ABCB11: variants seen among roughly 807,000 people sequenced by gnomAD.
ABCB11 encodes bile salt export pump.
A neutral mutation model predicts 148.0 loss-of-function variants in ABCB11; 95 were observed. That is an observed-to-expected ratio of 0.64 (90% CI 0.54 to 0.76). The LOEUF (loss-of-function observed/expected upper bound fraction) is 0.76, where lower values mean the gene tolerates loss of function less well. Among genes scored for constraint, ABCB11 ranks in the 30% least tolerant of loss-of-function variants. ABCB11 has a pLI of 0.00. For synonymous variants in ABCB11, 591 were observed against 555.4 expected (o/e 1.06, Z -0.90); for missense variants, 1,523 against 1,617.8 (o/e 0.94, Z 1.01).
At chr2:169,020,863 T>C (rs1695514212) in intron 1 of ABCB11, among the ~76,000 whole-genome samples, 1 of 152,068 alleles carries the variant, frequency 6.6e-6, no homozygotes, top group Admixed American at 6.6e-5. Context: ...ATTGAATACT[T>C]TACATAGGTG....
chr2:168,983,067 A>C (rs965001719), intron 10 of ABCB11, among the ~76,000 whole-genome samples: 14 of 152,134 alleles, frequency 9.2e-5, no homozygotes, highest in Non-Finnish European at 1.9e-4. Flanking sequence ...GAGAGACATA[A>C]AATTGGATTC....
chr2:168,952,731 ATTTCT>A (rs1382291883), intron 19 of ABCB11, among the ~76,000 whole-genome samples: 1 of 61,032 alleles, frequency 1.6e-5, no homozygotes, highest in Non-Finnish European at 3.8e-5. Flanking sequence ...GGTCTTTGTT[ATTTCT>A]TTTCTTTTGC....
At chr2:168,926,089 A>T (rs572016045) in intron 26 of ABCB11, among the ~76,000 whole-genome samples, 24 of 152,364 alleles carry the variant, frequency 1.6e-4, no homozygotes, top group African/African-American at 5.8e-4. Flanking sequence ...ACTTATAAAG[A>T]AAAACAATTT....
intron 8 of ABCB11, among the ~76,000 whole-genome samples, chr2:168,991,829 G>GTGAGGC (rs1282142814): frequency 3.4e-5 from 5 of 146,160 alleles, no homozygotes; most frequent in African/African-American, 1.3e-4. Flanking sequence ...AGTAAGGAAA[G>GTGAGGC]TGAGGCTTTT....
chr2:168,980,037 ACTAT>A, intron 10 of ABCB11, 58 bp from the exon 11 acceptor site: 1 of 1,017,202 alleles, frequency 9.8e-7, no homozygotes, highest in Non-Finnish European at 1.5e-6. Context: ...AATAGTAATT[ACTAT>A]CATTTGGGTC....
rs1162221693 is a variant in ABCB11 at position 168,979,959 on chromosome 2, T to C, written c.1104A>G (p.Val368=). ...AGGCATTGCCAAGATTTAAAGCTCC[T>C]ACTATGACACTGAGGAAAATCTGAA... ...TLVQIFLSVI[V]GALNLGNASP... is the part of the protein sequence containing the mutation. Residue 368 remains valine (V), a synonymous_variant, in exon 11 of 28, where the codon GTA becomes GTG. Coordinates refer to ENST00000650372, the MANE Select transcript of ABCB11 (RefSeq NM_003742.4). 1 of 1,608,332 alleles carries C rather than the reference T, an allele frequency of 6.2e-7. No homozygotes were observed. The highest frequency in any genetic ancestry group is 8.5e-7 in the Non-Finnish European group (1 of 1,175,780).
At chr2:168,925,174 C>A (rs962658226) in intron 26 of ABCB11, among the ~76,000 whole-genome samples, 1 of 152,192 alleles carries the variant, frequency 6.6e-6, no homozygotes, top group African/African-American at 2.4e-5. Context: ...GGACTAATCC[C>A]AAGAATGGAA....
intron 1 of ABCB11, among the ~76,000 whole-genome samples, chr2:169,026,138 A>C (rs1695686294): frequency 6.6e-6 from 1 of 152,206 alleles, no homozygotes. Flanking sequence ...AGTAACTTTG[A>C]GGTTGGTACT....
At chr2:168,925,231 G>C (rs1289579037) in intron 26 of ABCB11, among the ~76,000 whole-genome samples, 1 of 152,200 alleles carries the variant, frequency 6.6e-6, no homozygotes, top group South Asian at 2.1e-4. Context: ...TAGGGAGGCA[G>C]CATTCTGGAA....
At position 168,921,514 on chromosome 2, in the gene ABCB11, C is replaced by G. The variant is rs1225309119; in HGVS notation, c.*2108G>C. ...TTTGTATGTTCACTTTTATTGATTC[C>G]TGTTTTTATTTAAATAGATGGAAAT... On this transcript the variant is annotated 3_prime_UTR_variant, in exon 28 of 28. Coordinates refer to ENST00000650372, the MANE Select transcript of ABCB11 (RefSeq NM_003742.4). Among the ~76,000 whole-genome samples the G allele has an allele frequency of 6.6e-6, 1 of 152,038 alleles. No individual in the cohort carries two copies. Among genetic ancestry groups the G allele is most frequent in the Non-Finnish European group, 1.5e-5 (1 of 68,000 alleles).
At chr2:169,019,707 C>G (rs906863923) in intron 1 of ABCB11, among the ~76,000 whole-genome samples, 3 of 152,124 alleles carry the variant, frequency 2.0e-5, no homozygotes, top group African/African-American at 7.2e-5. Context: ...TAAACAAAAT[C>G]CATCCTAAAC....
intron 5 of ABCB11, among the ~76,000 whole-genome samples, chr2:169,001,843 G>A (rs1694883488): frequency 6.6e-6 from 1 of 152,090 alleles, no homozygotes; most frequent in Non-Finnish European, 1.5e-5. Flanking sequence ...GATACCCAGG[G>A]AACTTATCAA....
At chr2:168,919,207 T>C (rs962544327), downstream of ABCB11, among the ~76,000 whole-genome samples, 1 of 152,182 alleles carries the variant, frequency 6.6e-6, no homozygotes, top group Non-Finnish European at 1.5e-5. Context: ...GCTTTTACAT[T>C]GATGTGACTT....
chr2:168,993,882 A>G lies in ABCB11; in HGVS notation c.612T>C (p.Asp204=), dbSNP rs1397620137. The change falls in exon 8 of 28, where the codon GAT becomes GAC. Residue 204 remains aspartate (D), a splice_region_variant and synonymous_variant. Transcript: ENST00000650372. The part of the protein sequence containing the change: ...SVGELNTRFS[D]DINKINDAIA... ...TGGCATCATTGATTTTATTAATATC[A>G]CTAGAAACCAGAAAGATTTTGGTCA... The G allele has an allele frequency of 6.2e-7, 1 of 1,601,514 alleles. No homozygotes were observed. The highest frequency in any genetic ancestry group is 2.2e-5 in the East Asian group (1 of 44,558).
chr2:169,003,397 ATAGT>A (rs1175821438), intron 5 of ABCB11, among the ~76,000 whole-genome samples: 2 of 149,484 alleles, frequency 1.3e-5, no homozygotes, highest in Non-Finnish European at 3.0e-5. Context: ...AATGTAATAT[ATAGT>A]AATATAAAAT....
intron 19 of ABCB11, among the ~76,000 whole-genome samples, chr2:168,952,709 T>C (rs1450384732): frequency 6.7e-6 from 1 of 149,226 alleles, no homozygotes; most frequent in Non-Finnish European, 1.5e-5. Context: ...CTATTTTGTA[T>C]AGTTCTGCTC....
chr2:168,943,703 TC>T (rs1692172626), intron 21 of ABCB11, among the ~76,000 whole-genome samples: 1 of 151,986 alleles, frequency 6.6e-6, no homozygotes, highest in Non-Finnish European at 1.5e-5. Flanking sequence ...GATTCCATGA[TC>T]CGTTGAAATT....
rs1418013900 is a variant in ABCB11 at position 168,995,335 on chromosome 2, T to C, written c.611+14A>G. ...AAAATCACACACTAAAATACTGTTT[T>C]ACCAGCTACTTACTCAGAGAATCTT... On this transcript the variant is annotated intron_variant, in intron 7 of 27. Transcript: ENST00000650372. The C allele has an allele frequency of 6.2e-7, 1 of 1,610,612 alleles. No homozygotes were observed. The highest frequency in any genetic ancestry group is 1.7e-5 in the Admixed American group (1 of 59,694).
intron 10 of ABCB11, among the ~76,000 whole-genome samples, chr2:168,985,358 C>T (rs1694279551): frequency 6.6e-6 from 1 of 152,010 alleles, no homozygotes; most frequent in Admixed American, 6.6e-5. Flanking sequence ...AAGAACTGAA[C>T]ATAGAACTAC....
Sources: gnomAD v4.1 joint callset for allele counts (sites outside exome capture counted in the v4.1 genomes callset) on GRCh38, gnomAD v4.1.1 for gene constraint, MANE v1.5 for transcripts, NCBI Gene and HGNC (gene_info 2026-07-23, HGNC 2026-07-21) for gene names.